TAS2R1: variants seen among roughly 807,000 people sequenced by gnomAD.
TAS2R1 encodes the protein taste 2 receptor member 1, also known as taste receptor type 2 member 1.
For synonymous variants in TAS2R1, 141 were observed against 134.2 expected (o/e 1.05, Z -0.35); for missense variants, 370 against 353.4 (o/e 1.05, Z -0.38).
chr5:9,785,551 T>C, the TAS2R1 span, among the ~76,000 whole-genome samples: 5 of 152,252 alleles, frequency 3.3e-5, no homozygotes, highest in African/African-American at 1.2e-4. Flanking sequence ...AATATGAGTA[T>C]GTTTGAATTG....
At chr5:9,879,330 T>A in the TAS2R1 span, among the ~76,000 whole-genome samples, 2 of 152,232 alleles carry the variant, frequency 1.3e-5, no homozygotes, top group African/African-American at 4.8e-5. Context: ...CTTCTTCAGT[T>A]TCTCTGATCC....
At chr5:9,715,608 A>G (rs998469175), upstream of TAS2R1, among the ~76,000 whole-genome samples, 1 of 152,228 alleles carries the variant, frequency 6.6e-6, no homozygotes, top group Non-Finnish European at 1.5e-5. Context: ...AGCCTCATGT[A>G]CAGGAGACTT....
the TAS2R1 span, among the ~76,000 whole-genome samples, chr5:9,828,364 G>A: frequency 6.6e-6 from 1 of 152,174 alleles, no homozygotes; most frequent in Non-Finnish European, 1.5e-5. Context: ...GACCTCAGGT[G>A]ATCTGCCCGC....
At chr5:9,668,965 T>C (rs1387511705) in intron 1 of TAS2R1, among the ~76,000 whole-genome samples, 2 of 152,020 alleles carry the variant, frequency 1.3e-5, no homozygotes, top group East Asian at 3.9e-4. Flanking sequence ...AAAGGCAGAG[T>C]GACAAGTTGT....
chr5:9,688,695 T>G (rs1413386565), intron 1 of TAS2R1, among the ~76,000 whole-genome samples: 1 of 152,192 alleles, frequency 6.6e-6, no homozygotes, highest in Non-Finnish European at 1.5e-5. Context: ...CCACGGGCCA[T>G]GCACAGAACA....
chr5:9,716,497 C>G (rs1189048699), upstream of TAS2R1, among the ~76,000 whole-genome samples: 1 of 151,894 alleles, frequency 6.6e-6, no homozygotes, highest in African/African-American at 2.4e-5. Flanking sequence ...AGACAACAAT[C>G]GATTTCAGCC....
the TAS2R1 span, among the ~76,000 whole-genome samples, chr5:9,831,108 T>A: frequency 1.3e-5 from 2 of 152,228 alleles, no homozygotes; most frequent in Non-Finnish European, 2.9e-5. Context: ...GAAATCTCAC[T>A]AACAAGCATA....
chr5:9,724,234 T>C, the TAS2R1 span, among the ~76,000 whole-genome samples: 1 of 152,158 alleles, frequency 6.6e-6, no homozygotes, highest in East Asian at 1.9e-4. Context: ...TTCCACCACA[T>C]ACAAGGCTGT....
At chr5:9,680,791 G>A (rs930905407) in intron 1 of TAS2R1, among the ~76,000 whole-genome samples, 5 of 152,228 alleles carry the variant, frequency 3.3e-5, no homozygotes, top group South Asian at 2.1e-4. Flanking sequence ...GGTGGCTCAC[G>A]CCTGTAATCT....
At chr5:9,696,634 C>A (rs1397433776) in intron 1 of TAS2R1, among the ~76,000 whole-genome samples, 1 of 151,486 alleles carries the variant, frequency 6.6e-6, no homozygotes, top group African/African-American at 2.4e-5. Flanking sequence ...AAGCATATAG[C>A]CAAGTATGTA....
the TAS2R1 span, among the ~76,000 whole-genome samples, chr5:9,853,108 A>G: frequency 6.6e-6 from 1 of 152,330 alleles, no homozygotes; most frequent in African/African-American, 2.4e-5. Flanking sequence ...GATATCCCAG[A>G]ATTGGAATCC....
chr5:9,777,705 A>G, the TAS2R1 span, among the ~76,000 whole-genome samples: 1 of 152,240 alleles, frequency 6.6e-6, no homozygotes, highest in African/African-American at 2.4e-5. Context: ...CACAGTAATC[A>G]CTATCTATAG....
At chr5:9,776,137 T>TC in the TAS2R1 span, among the ~76,000 whole-genome samples, 1 of 152,166 alleles carries the variant, frequency 6.6e-6, no homozygotes, top group Non-Finnish European at 1.5e-5. Flanking sequence ...GATAGGTGAT[T>TC]CCCCTCTGGC....
the TAS2R1 span, chr5:9,765,500 A>C: frequency 1.3e-5 from 2 of 152,160 alleles, no homozygotes; most frequent in Non-Finnish European, 2.9e-5. Flanking sequence ...CTGTTCAAAA[A>C]AAAAAAAAAT....
intron 1 of TAS2R1, among the ~76,000 whole-genome samples, chr5:9,688,524 A>T (rs771664341): frequency 3.3e-5 from 5 of 152,160 alleles, no homozygotes; most frequent in African/African-American, 4.8e-5. Context: ...TTGATGGATT[A>T]TCGAGGCTGA....
chr5:9,719,456 G>A, the TAS2R1 span, among the ~76,000 whole-genome samples: 1 of 152,142 alleles, frequency 6.6e-6, no homozygotes, highest in East Asian at 1.9e-4. Flanking sequence ...CCTCGCTTTT[G>A]TCTACCCTGC....
At chr5:9,758,305 C>T in the TAS2R1 span, among the ~76,000 whole-genome samples, 17 of 152,152 alleles carry the variant, frequency 1.1e-4, no homozygotes, top group South Asian at 6.2e-4. Flanking sequence ...TGAGGGATTA[C>T]GGCCTTTGTC....
chr5:9,657,004 T>C (rs1740428707), intron 2 of TAS2R1, among the ~76,000 whole-genome samples: 1 of 152,126 alleles, frequency 6.6e-6, no homozygotes, highest in African/African-American at 2.4e-5. Context: ...CTTGCAATTA[T>C]TGATATAAAA....
the TAS2R1 span, among the ~76,000 whole-genome samples, chr5:9,759,716 AG>A: frequency 6.6e-6 from 1 of 152,194 alleles, no homozygotes; most frequent in Non-Finnish European, 1.5e-5. Context: ...AAAAGGAACC[AG>A]GTTGTCAGGT....
Sources: gnomAD v4.1 joint callset for allele counts (sites outside exome capture counted in the v4.1 genomes callset) on GRCh38, gnomAD v4.1.1 for gene constraint, MANE v1.5 for transcripts, NCBI Gene and HGNC (gene_info 2026-07-23, HGNC 2026-07-21) for gene names.